FBLIM1: variants seen among roughly 807,000 people sequenced by gnomAD.
The protein encoded by FBLIM1 is filamin binding LIM protein 1.
FBLIM1 carries 29 observed loss-of-function variants against 37.4 expected under a neutral mutation model. The ratio of observed to expected loss-of-function variants is 0.77; its 90% CI spans 0.58 to 1.06. The LOEUF (loss-of-function observed/expected upper bound fraction) is 1.06. Among genes scored for constraint, FBLIM1 ranks in the 50% least tolerant of loss-of-function variants. The probability of loss-of-function intolerance (pLI) is 0.00; values close to 1 mark genes in which losing one functional copy is unlikely to be tolerated. For synonymous variants in FBLIM1, 193 were observed against 199.0 expected, an observed-to-expected ratio of 0.97 and a Z score of 0.25; for missense variants, 449 against 505.6, an observed-to-expected ratio of 0.89 and a Z score of 1.07.
intron 8 of FBLIM1, among the ~76,000 whole-genome samples, chr1:15,778,145 T>G (rs2069546307): frequency 6.6e-6 from 1 of 152,108 alleles, no homozygotes; most frequent in Non-Finnish European, 1.5e-5. Context: ...TGATAACCAC[T>G]GGGGCCAGGG....
At chr1:15,766,077 A>C (rs2068904080) in intron 3 of FBLIM1, among the ~76,000 whole-genome samples, 1 of 151,952 alleles carries the variant, frequency 6.6e-6, no homozygotes, top group South Asian at 2.1e-4. Context: ...GATTCAGCAG[A>C]TCTGCCGTGG....
At chr1:15,761,108 T>A (rs2068654785) in intron 1 of FBLIM1, among the ~76,000 whole-genome samples, 1 of 151,782 alleles carries the variant, frequency 6.6e-6, no homozygotes, top group Non-Finnish European at 1.5e-5. Flanking sequence ...CGGAGGAGTG[T>A]AGGAAGGGTC....
chr1:15,774,470 G>A (rs1470637794), intron 6 of FBLIM1, 148 bp from the exon 7 acceptor site: 3 of 1,004,038 alleles, frequency 3.0e-6, no homozygotes, highest in African/African-American at 1.6e-5. Flanking sequence ...AATGGTGGAG[G>A]TTTTGGGCGA....
chr1:15,783,569 CTTTTTTTTTTTT>C (rs58141962), intron 8 of FBLIM1, among the ~76,000 whole-genome samples: 1 of 81,258 alleles, frequency 1.2e-5, no homozygotes, highest in Non-Finnish European at 2.3e-5. Flanking sequence ...AACTTACGTT[CTTTTTTTTTTTT>C]TTTTTTTTTT....
rs772093436 is a variant in FBLIM1, at chr1:15,770,552, C to A, written c.685C>A (p.Arg229=). 3 of 1,613,950 alleles carry A rather than the reference C, an allele frequency of 1.9e-6. No homozygotes were observed. Among genetic ancestry groups the A allele is most frequent in the South Asian group, 1.1e-5 (1 of 91,076 alleles). The change falls in exon 6 of 9, where the codon CGA becomes AGA. Residue 229 remains arginine, a synonymous_variant. Coordinates refer to ENST00000375766, the MANE Select transcript of FBLIM1 (RefSeq NM_017556.4). ...AGQSFYQKDG[R]PLCEPCYQDT... ...GCAGAGCTTCTACCAGAAGGATGGG[C>A]GACCCCTCTGCGAACCCTGCTACCA...
intron 3 of FBLIM1, among the ~76,000 whole-genome samples, chr1:15,766,823 C>A (rs532033545): frequency 2.0e-4 from 30 of 151,736 alleles, no homozygotes; most frequent in South Asian, 4.2e-4. Context: ...AAACTTCCAA[C>A]CTCAGGTGAT....
intron 8 of FBLIM1, among the ~76,000 whole-genome samples, chr1:15,780,676 G>A (rs2069613079): frequency 6.6e-6 from 1 of 152,086 alleles, no homozygotes; most frequent in Admixed American, 6.6e-5. Flanking sequence ...ACTTTTATGC[G>A]GGGACCTAAG....
chr1:15,762,861 G>C (rs12083988), intron 1 of FBLIM1, among the ~76,000 whole-genome samples: 1 of 151,988 alleles, frequency 6.6e-6, no homozygotes, highest in Non-Finnish European at 1.5e-5. Context: ...GCCAGGAATC[G>C]GGGGGTGCCT....
intron 8 of FBLIM1, among the ~76,000 whole-genome samples, chr1:15,780,583 C>G (rs78941851): frequency 6.6e-6 from 1 of 152,176 alleles, no homozygotes; most frequent in Non-Finnish European, 1.5e-5. Context: ...TGAGGAGGCT[C>G]AGAAATCCTC....
At chr1:15,774,835 C>G (rs767958384) in intron 7 of FBLIM1, 39 bp downstream of exon 7, 1 of 1,613,912 alleles carries the variant, frequency 6.2e-7, no homozygotes, top group Non-Finnish European at 8.5e-7. Flanking sequence ...GGTGCAGGGA[C>G]AGGGCGAGAC....
chr1:15,759,673 C>G (rs2068573606), intron 1 of FBLIM1, among the ~76,000 whole-genome samples: 1 of 152,182 alleles, frequency 6.6e-6, no homozygotes, highest in South Asian at 2.1e-4. Context: ...CTCAGCCGCC[C>G]TAGGGACACA....
chr1:15,781,930 G>T (rs2069654461), intron 8 of FBLIM1, among the ~76,000 whole-genome samples: 1 of 151,200 alleles, frequency 6.6e-6, no homozygotes. Context: ...GTGTTAGCCA[G>T]GATGGTCTTG....
At chr1:15,776,211 C>G (rs576862016) in intron 7 of FBLIM1, among the ~76,000 whole-genome samples, 5 of 151,440 alleles carry the variant, frequency 3.3e-5, no homozygotes, top group African/African-American at 1.2e-4. Flanking sequence ...GAGCCGAGAT[C>G]GCACCACTGC....
chr1:15,776,866 CAAAA>C (rs36071270), intron 7 of FBLIM1: 93 of 68,736 alleles, frequency 1.4e-3, no homozygotes, highest in Middle Eastern at 7.2e-3. Flanking sequence ...AACTCCATCT[CAAAA>C]AAAAAAAAAA....
intron 6 of FBLIM1, among the ~76,000 whole-genome samples, chr1:15,773,537 G>C (rs775141289): frequency 2.6e-5 from 4 of 151,770 alleles, no homozygotes; most frequent in African/African-American, 9.7e-5. Flanking sequence ...AAAATTAGCC[G>C]GATGTGGTGG....
chr1:15,765,153 C>A lies in FBLIM1; in HGVS notation c.170C>A (p.Ala57Glu). 1 of 1,613,578 alleles carries A rather than the reference C, an allele frequency of 6.2e-7. No homozygotes were observed. The highest frequency in any genetic ancestry group is 1.1e-5 in the South Asian group (1 of 91,070). The change falls in exon 3 of 9, where the codon GCG (alanine) becomes GAG (glutamate). Residue 57 changes from alanine to glutamate, a missense_variant. Coordinates refer to ENST00000375766, the MANE Select transcript of FBLIM1 (RefSeq NM_017556.4). This position sits in a 1 kb window ranked among gnomAD's most constrained non-coding sequence, Gnocchi z 5.9. ...APMKTPEAGL[A>E]GRPSPWTTPG... ...ATGAAGACACCCGAGGCTGGCTTGG[C>A]GGGGAGGCCCAGCCCCTGGACAACC...
intron 7 of FBLIM1, 181 bp from the exon 8 acceptor site, chr1:15,776,989 C>T: frequency 1.7e-6 from 1 of 572,482 alleles, no homozygotes; most frequent in South Asian, 2.7e-5. Flanking sequence ...GAAACCAGGT[C>T]TCATTACACA....
At chr1:15,764,868 C>A (rs529149022) in intron 2 of FBLIM1, 96 bp from the exon 3 acceptor site, 122 of 1,415,658 alleles carry the variant, frequency 8.6e-5, no homozygotes, top group Non-Finnish European at 9.9e-5. Flanking sequence ...GGGTGGCTGG[C>A]CTGTCTTTTT....
chr1:15,757,824 A>T (rs2148413697), upstream of FBLIM1: 1 of 152,290 alleles, frequency 6.6e-6, no homozygotes, highest in East Asian at 1.9e-4. This position sits in a 1 kb window ranked among gnomAD's most constrained non-coding sequence, Gnocchi z 4.1. Flanking sequence ...CAGGCAGTCC[A>T]TCCCGGCCCC....
Sources: allele counts gnomAD v4.1 joint callset (sites outside exome capture counted in the v4.1 genomes callset), GRCh38; gene constraint gnomAD v4.1.1; non-coding constraint Gnocchi (gnomAD v3.1); transcripts MANE v1.5; gene names NCBI Gene and HGNC (gene_info 2026-07-23, HGNC 2026-07-21).